Variants in EXOC5 observed in about 807,000 individuals in gnomAD.
EXOC5 encodes exocyst complex component 5.
In EXOC5, 17 loss-of-function variants were observed where a neutral mutation model predicts 90.8. That is an observed-to-expected ratio of 0.19 (90% CI 0.13 to 0.28). The LOEUF is 0.28. Ranked by LOEUF, EXOC5 falls within the 10% of genes least tolerant of loss-of-function variation. EXOC5 has a pLI of 1.00. For synonymous variants in EXOC5, 260 were observed against 270.0 expected, an observed-to-expected ratio of 0.96 and a Z score of 0.36; for missense variants, 569 against 830.6, an observed-to-expected ratio of 0.69 and a Z score of 3.87.
At position 57,244,359 on chromosome 14, in the gene EXOC5, C is replaced by T. The variant is rs778728573; in HGVS notation, c.271G>A (p.Val91Ile). 6.2e-7 allele frequency: 1 copy of T among 1,611,334 alleles called. No homozygotes were observed. Among genetic ancestry groups the T allele is most frequent in the East Asian group, 2.2e-5 (1 of 44,848 alleles). Residue 91 changes from valine to isoleucine, a missense_variant and splice_region_variant, in exon 4 of 18, where the codon GTT becomes ATT. Physicochemically the swap from Val to Ile is conservative, Grantham distance 29. Around this residue, in one of 9 missense-constraint regions of EXOC5, gnomAD observed 97 missense variants for 177.9 expected, o/e 0.55. Transcript: ENST00000621441. ...AGTTCTTGGAAATGTTGGAAGGCAA[C>T]CTAGGAAAAATGTGCATAAGCATAA... ...KVQELQKSNQ[V>I]AFQHFQELDE...
At chr14:57,230,254 A>T (rs141822315) in intron 11 of EXOC5, among the ~76,000 whole-genome samples, 1 of 152,226 alleles carries the variant, frequency 6.6e-6, no homozygotes, top group African/African-American at 2.4e-5. Context: ...ACAATTTTAA[A>T]ATATAGTCAT....
At chr14:57,268,588 GCCTGCCACTC>G (rs2139679748) in intron 1 of EXOC5, 24 bp downstream of exon 1, 1 of 1,574,804 alleles carries the variant, frequency 6.3e-7, no homozygotes, top group Admixed American at 1.8e-5. Flanking sequence ...CAAACCCCGG[GCCTGCCACTC>G]CCTGTAGAGC....
At chr14:57,209,924 G>T (rs374127834) in intron 16 of EXOC5, 29 bp downstream of exon 16, 2 of 1,260,818 alleles carry the variant, frequency 1.6e-6, no homozygotes, top group African/African-American at 1.5e-5. Flanking sequence ...TGTTAACAAA[G>T]TATTAACAAA....
intron 7 of EXOC5, among the ~76,000 whole-genome samples, chr14:57,235,491 TAATTC>T (rs1169195070): frequency 1.3e-5 from 2 of 151,782 alleles, no homozygotes; most frequent in African/African-American, 4.9e-5. Context: ...CAATTAATTT[TAATTC>T]AATATTAATA....
At chr14:57,232,548 T>C in intron 10 of EXOC5, 119 bp downstream of exon 10, 1 of 538,510 alleles carries the variant, frequency 1.9e-6, no homozygotes, top group East Asian at 3.1e-5. Flanking sequence ...GCTAAGCATT[T>C]AATGCTAAAA....
At position 57,229,823 on chromosome 14, in the gene EXOC5, T is replaced by C. The variant is rs967716979; in HGVS notation, c.1207A>G (p.Ile403Val). 9 of 1,528,628 alleles carry C rather than the reference T, an allele frequency of 5.9e-6. No homozygotes were observed. Among genetic ancestry groups the C allele is most frequent in the Non-Finnish European group, 6.2e-6 (7 of 1,130,932 alleles). The allele number at this position is 1,528,628 out of a possible 1,614,324, so 94.7% of individuals were successfully genotyped here. Reference sequence around the variant, plus strand: ...AGAAAAGTCTCCCCATGAGTATCGATACTTGGCCCAAGTGGTAAGTTGGTA... The same window carrying C: ...AGAAAAGTCTCCCCATGAGTATCGACACTTGGCCCAAGTGGTAAGTTGGTA... ...QRTNLPLGPS[I>V]DTHGETFLSQ... The change falls in exon 12 of 18, where the codon ATC becomes GTC. Residue 403 changes from isoleucine (I) to valine (V), a missense_variant. Physicochemically the swap from Ile to Val is conservative, Grantham distance 29. Coordinates refer to ENST00000621441, the MANE Select transcript of EXOC5 (RefSeq NM_006544.4).
chr14:57,208,833 A>T (rs1277753788), intron 17 of EXOC5, 36 bp from the exon 18 acceptor site: 1 of 1,402,364 alleles, frequency 7.1e-7, no homozygotes, highest in African/African-American at 1.4e-5. Flanking sequence ...ACATTGAAAC[A>T]AAACAATTTC....
chr14:57,221,790 G>C (rs1883148287), intron 13 of EXOC5, among the ~76,000 whole-genome samples: 1 of 152,126 alleles, frequency 6.6e-6, no homozygotes, highest in Non-Finnish European at 1.5e-5. Context: ...TTTCATTTTG[G>C]ATATGTTAAG....
rs1882669613 is a variant in EXOC5 at position 57,206,785 on chromosome 14, T to C, written c.*1824A>G. On this transcript the variant is annotated 3_prime_UTR_variant, in exon 18 of 18. Transcript: ENST00000621441. ...TAAAAATTAATCCAAACAAAATAATTTGAAGCACTTCTCTGATTTGGAAGT... is the reference window on the plus strand; with the variant it reads ...TAAAAATTAATCCAAACAAAATAATCTGAAGCACTTCTCTGATTTGGAAGT... The C allele has an allele frequency of 6.6e-6, 1 of 152,494 alleles. No individual in the cohort carries two copies. Among genetic ancestry groups the C allele is most frequent in the Non-Finnish European group, 1.5e-5 (1 of 67,954 alleles). 9.4% of individuals were successfully genotyped at this position (152,494 alleles called of 1,614,324 possible). A position where few individuals can be genotyped will look rare whatever the true frequency, so the allele number is the denominator to read the frequency against.
chr14:57,209,844 TAC>T (rs1441635226), intron 16 of EXOC5, 62 bp from the exon 17 acceptor site: 13 of 1,317,924 alleles, frequency 9.9e-6, no homozygotes, highest in African/African-American at 2.9e-5. Context: ...AAAGAGGAAA[TAC>T]AGTTTCTCAT....
At chr14:57,236,640 G>C (rs1361453287) in intron 6 of EXOC5, among the ~76,000 whole-genome samples, 1 of 151,992 alleles carries the variant, frequency 6.6e-6, no homozygotes, top group Non-Finnish European at 1.5e-5. Flanking sequence ...CTGAACTTCA[G>C]ACCAATCTAT....
chr14:57,256,896 G>C (rs1028386868), intron 1 of EXOC5, among the ~76,000 whole-genome samples: 3 of 152,188 alleles, frequency 2.0e-5, no homozygotes, highest in South Asian at 4.1e-4. Flanking sequence ...GACGAAAACT[G>C]TAACTCTACT....
At chr14:57,235,584 C>T in intron 7 of EXOC5, 127 bp downstream of exon 7, 1 of 542,730 alleles carries the variant, frequency 1.8e-6, no homozygotes, top group Non-Finnish European at 3.3e-6. Context: ...ACAAATTACT[C>T]AAAACAGTGA....
chr14:57,220,583 T>TG (rs1358273157), intron 13 of EXOC5, among the ~76,000 whole-genome samples: 1 of 152,038 alleles, frequency 6.6e-6, no homozygotes, highest in Non-Finnish European at 1.5e-5. Context: ...GAGGATCGCT[T>TG]GGAGCCAAGA....
intron 5 of EXOC5, among the ~76,000 whole-genome samples, chr14:57,238,594 G>A (rs958531568): frequency 4.6e-5 from 7 of 151,564 alleles, no homozygotes; most frequent in Non-Finnish European, 8.8e-5. Context: ...GTTTTGGTGG[G>A]TGACTTTAAA....
At chr14:57,263,330 C>T (rs1884571755) in intron 1 of EXOC5, among the ~76,000 whole-genome samples, 2 of 152,012 alleles carry the variant, frequency 1.3e-5, no homozygotes, top group Non-Finnish European at 2.9e-5. Context: ...ATTAGCCAAG[C>T]ATGGTGGCAC....
At chr14:57,222,459 T>A (rs1224563554) in intron 12 of EXOC5, 43 bp from the exon 13 acceptor site, 4 of 1,193,566 alleles carry the variant, frequency 3.4e-6, no homozygotes, top group Non-Finnish European at 4.8e-6. Flanking sequence ...CAAGTCTACC[T>A]TTTGAAAATG....
intron 3 of EXOC5, among the ~76,000 whole-genome samples, chr14:57,245,050 A>AAAAAGTGATGTTTATATAT (rs1181952318): frequency 1.3e-5 from 2 of 152,132 alleles, no homozygotes; most frequent in Non-Finnish European, 2.9e-5. Context: ...TTAAATATTT[A>AAAAAGTGATGTTTATATAT]AAAAGTGATG....
intron 3 of EXOC5, among the ~76,000 whole-genome samples, chr14:57,244,619 T>A (rs1355030827): frequency 2.0e-5 from 3 of 152,124 alleles, no homozygotes; most frequent in African/African-American, 7.2e-5. Context: ...TTACTCCTCA[T>A]CCTGTTTTAA....
Sources: gnomAD v4.1 joint callset for allele counts (sites outside exome capture counted in the v4.1 genomes callset) on GRCh38, gnomAD v4.1.1 for gene constraint, gnomAD v4.1.1 regional missense constraint, MANE v1.5 for transcripts, NCBI Gene and HGNC (gene_info 2026-07-23, HGNC 2026-07-21) for gene names.